CNOT6L: variants seen among roughly 807,000 people sequenced by gnomAD.
CNOT6L encodes CCR4-NOT transcription complex subunit 6-like.
A neutral mutation model predicts 64.0 loss-of-function variants in CNOT6L; 7 were observed. The ratio of observed to expected loss-of-function variants is 0.11; its 90% CI spans 0.06 to 0.21. The LOEUF (loss-of-function observed/expected upper bound fraction) is 0.21, where lower values mean the gene tolerates loss of function less well. Ranked by LOEUF, CNOT6L falls within the 10% of genes least tolerant of loss-of-function variation. CNOT6L has a pLI of 1.00. For missense variants in CNOT6L, 245 were observed against 669.0 expected (o/e 0.37, Z 6.99); for synonymous variants, 193 against 243.4 (o/e 0.79, Z 1.93).
At chr4:77,800,850 AAC>A (rs1335516540) in intron 1 of CNOT6L, among the ~76,000 whole-genome samples, 2 of 152,222 alleles carry the variant, frequency 1.3e-5, no homozygotes. Flanking sequence ...CCAAGGTACC[AAC>A]ATCTTAATTA....
chr4:77,776,227 T>C, intron 2 of CNOT6L, 44 bp downstream of exon 2: 1 of 1,583,994 alleles, frequency 6.3e-7, no homozygotes, highest in Non-Finnish European at 8.6e-7. Flanking sequence ...ACTTTTGTAT[T>C]ATCACTATTA....
At chr4:77,782,475 G>T (rs1319950722) in intron 1 of CNOT6L, among the ~76,000 whole-genome samples, 1 of 151,404 alleles carries the variant, frequency 6.6e-6, no homozygotes, top group Non-Finnish European at 1.5e-5. Flanking sequence ...TGGGACTACA[G>T]GCACATGTTA....
At chr4:77,731,723 C>T in intron 8 of CNOT6L, 185 bp from the exon 9 acceptor site, 1 of 477,820 alleles carries the variant, frequency 2.1e-6, no homozygotes, top group East Asian at 3.4e-5. Flanking sequence ...GAGGCCCCAC[C>T]TAACAAAGAC....
chr4:77,759,540 G>A (rs1383840788), intron 4 of CNOT6L, among the ~76,000 whole-genome samples: 2 of 151,692 alleles, frequency 1.3e-5, no homozygotes, highest in Admixed American at 1.3e-4. Flanking sequence ...ACTCCAGCCT[G>A]GGCGACACAG....
At chr4:77,722,058 A>G (rs1721339635) in intron 11 of CNOT6L, among the ~76,000 whole-genome samples, 1 of 151,936 alleles carries the variant, frequency 6.6e-6, no homozygotes, top group African/African-American at 2.4e-5. Flanking sequence ...AGTCCAGGGG[A>G]CTCCAAGTTT....
intron 1 of CNOT6L, among the ~76,000 whole-genome samples, chr4:77,808,094 G>A (rs1415262573): frequency 1.3e-5 from 2 of 152,068 alleles, no homozygotes; most frequent in Middle Eastern, 3.2e-3. Context: ...AAAAATTACA[G>A]CAAAAAAGAA....
chr4:77,775,401 CTTATA>C (rs1031461250), intron 2 of CNOT6L, among the ~76,000 whole-genome samples: 3 of 152,122 alleles, frequency 2.0e-5, no homozygotes, highest in African/African-American at 4.8e-5. Context: ...AAGAAAAATA[CTTATA>C]TTCTATTTTT....
chr4:77,767,484 G>T (rs893422389), intron 4 of CNOT6L, among the ~76,000 whole-genome samples: 4 of 152,072 alleles, frequency 2.6e-5, no homozygotes, highest in African/African-American at 4.8e-5. Context: ...TTGGTACAAG[G>T]TTAGACAAAT....
At chr4:77,803,811 G>A (rs766629390) in intron 1 of CNOT6L, among the ~76,000 whole-genome samples, 216 of 152,196 alleles carry the variant, frequency 1.4e-3, no homozygotes, top group Middle Eastern at 3.4e-3. Context: ...GCTGAGGCAG[G>A]AGAATCGCTT....
chr4:77,817,714 A>G (rs1256524297), intron 1 of CNOT6L, among the ~76,000 whole-genome samples: 1 of 152,244 alleles, frequency 6.6e-6, no homozygotes, highest in Admixed American at 6.5e-5. Flanking sequence ...GTAATAGAGA[A>G]CAGCTCTTCG....
At chr4:77,741,307 T>A (rs1347614613) in intron 8 of CNOT6L, among the ~76,000 whole-genome samples, 2 of 152,178 alleles carry the variant, frequency 1.3e-5, no homozygotes, top group African/African-American at 4.8e-5. Context: ...GCTGGTAATA[T>A]GCTTGGATCA....
chr4:77,786,363 A>T (rs959245694), intron 1 of CNOT6L, among the ~76,000 whole-genome samples: 1 of 152,054 alleles, frequency 6.6e-6, no homozygotes, highest in Admixed American at 6.6e-5. Context: ...CTGTAATCCC[A>T]GCACTTTGGG....
intron 1 of CNOT6L, among the ~76,000 whole-genome samples, chr4:77,801,253 CAG>C (rs762588979): frequency 2.7e-4 from 41 of 152,288 alleles, no homozygotes; most frequent in Non-Finnish European, 5.1e-4. Flanking sequence ...ACAAAGGTAG[CAG>C]AGTCTTTAAC....
chr4:77,814,207 G>C (rs892125259), intron 1 of CNOT6L, among the ~76,000 whole-genome samples: 2 of 152,090 alleles, frequency 1.3e-5, no homozygotes, highest in Non-Finnish European at 2.9e-5. Flanking sequence ...TAATTGCCTA[G>C]AACTAGGGGC....
At chr4:77,770,856 A>G (rs186944623) in intron 4 of CNOT6L, among the ~76,000 whole-genome samples, 75 of 152,344 alleles carry the variant, frequency 4.9e-4, no homozygotes, top group Middle Eastern at 6.8e-3. Flanking sequence ...TGAATGAAGG[A>G]CTAAGGAGAT....
At chr4:77,776,430 A>T (rs1421314919) in intron 1 of CNOT6L, 38 bp from the exon 2 acceptor site, 8 of 1,421,114 alleles carry the variant, frequency 5.6e-6, no homozygotes, top group Non-Finnish European at 7.7e-6. Context: ...AATAATTATT[A>T]TAGTCTTACT....
chr4:77,818,438 T>C (rs1261834398), intron 1 of CNOT6L, among the ~76,000 whole-genome samples: 1 of 152,012 alleles, frequency 6.6e-6, no homozygotes, highest in African/African-American at 2.4e-5. Context: ...AAGAAAATGT[T>C]TGTCTAATTA....
intron 5 of CNOT6L, among the ~76,000 whole-genome samples, chr4:77,753,224 A>G (rs1369000839): frequency 1.3e-5 from 2 of 151,166 alleles, no homozygotes; most frequent in East Asian, 1.9e-4. Flanking sequence ...GAAAAAAAAA[A>G]TTCAACCTTA....
chr4:77,807,215 T>A (rs555283880), intron 1 of CNOT6L, among the ~76,000 whole-genome samples: 1 of 146,830 alleles, frequency 6.8e-6, no homozygotes, highest in African/African-American at 2.6e-5. Context: ...GAGTCAGAGG[T>A]TGCAGTGAGC....
Sources: gnomAD v4.1 joint callset for allele counts (sites outside exome capture counted in the v4.1 genomes callset) on GRCh38, gnomAD v4.1.1 for gene constraint, MANE v1.5 for transcripts, NCBI Gene and HGNC (gene_info 2026-07-23, HGNC 2026-07-21) for gene names.